Variants in VAV1 observed in about 807,000 individuals in gnomAD.
VAV1 encodes the protein vav guanine nucleotide exchange factor 1.
Under a neutral mutation model 128.1 loss-of-function variants are expected in VAV1, and 33 were observed. That is an observed-to-expected ratio of 0.26 (90% CI 0.20 to 0.34). VAV1 has a LOEUF of 0.34. Among genes scored for constraint, VAV1 ranks in the 10% least tolerant of loss-of-function variants. The pLI, the probability that VAV1 is intolerant of heterozygous loss-of-function variation, is 1.00. For missense variants in VAV1, 715 were observed against 1,093.7 expected (o/e 0.65, Z 4.88); for synonymous variants, 394 against 409.8 (o/e 0.96, Z 0.47).
chr19:6,785,451 C>G (rs1301043058), intron 1 of VAV1, among the ~76,000 whole-genome samples: 1 of 151,976 alleles, frequency 6.6e-6, no homozygotes, highest in East Asian at 1.9e-4. Flanking sequence ...CCTGCCTCAG[C>G]CTCCCAAGTA....
rs61404391 is a variant in VAV1 at position 6,774,921 on chromosome 19, A to ATTT, written c.204+1924_204+1926dup. Among the ~76,000 whole-genome samples the ATTT allele has an allele frequency of 7.0e-3, 961 of 137,356 alleles. 11 individuals carry two copies. Among genetic ancestry groups the ATTT allele is most frequent in the African/African-American group, 7.9e-3 (290 of 36,846 alleles). The allele number at this position is 137,356 out of a possible 152,430, so 90.1% of individuals were successfully genotyped here. ...AGGCACACATCACCATGCCTGCCTA[A>ATTT]TTTTTTTTTTTTTTTTGTATTTTTA... On this transcript the variant is annotated intron_variant, in intron 1 of 26. Coordinates refer to ENST00000602142, the MANE Select transcript of VAV1 (RefSeq NM_005428.4).
intron 21 of VAV1, among the ~76,000 whole-genome samples, chr19:6,840,717 A>G (rs1350403846): frequency 1.5e-5 from 2 of 136,878 alleles, no homozygotes; most frequent in South Asian, 2.4e-4. Flanking sequence ...TGATCCTCCC[A>G]CTTCAGCCTC....
rs1971749262 is a variant in VAV1, at chr19:6,820,135, A to AGGCTG, written c.205-567_205-566insGGCTG. Among the ~76,000 whole-genome samples, 1 of 152,232 alleles carries AGGCTG rather than the reference A, an allele frequency of 6.6e-6. No individual in the cohort carries two copies. The highest frequency in any genetic ancestry group is 2.4e-5 in the African/African-American group (1 of 41,456). Reference sequence around the variant, plus strand: ...GGAATTCAAGACCAGCCTGGGCAACATAGCGAGACCTCGTCTCTACAAAAA... The same window carrying AGGCTG: ...GGAATTCAAGACCAGCCTGGGCAACAGGCTGTAGCGAGACCTCGTCTCTACAAAAA... On this transcript the variant is annotated intron_variant, in intron 1 of 26. Coordinates refer to ENST00000602142, the MANE Select transcript of VAV1 (RefSeq NM_005428.4). This position sits in a 1 kb window ranked among gnomAD's most constrained non-coding sequence, Gnocchi z 4.4.
intron 24 of VAV1, among the ~76,000 whole-genome samples, chr19:6,851,657 C>T (rs935131922): frequency 1.3e-5 from 2 of 152,174 alleles, no homozygotes; most frequent in African/African-American, 4.8e-5. Context: ...AACTCAAATG[C>T]CTTTTGAGGG....
intron 26 of VAV1, among the ~76,000 whole-genome samples, chr19:6,855,022 C>G (rs1972758480): frequency 6.6e-6 from 1 of 152,146 alleles, no homozygotes; most frequent in South Asian, 2.1e-4. Flanking sequence ...AATTCCGATT[C>G]CAAGGAGTGG....
chr19:6,803,528 A>G (rs1310198319), intron 1 of VAV1, among the ~76,000 whole-genome samples: 1 of 152,140 alleles, frequency 6.6e-6, no homozygotes, highest in Non-Finnish European at 1.5e-5. Flanking sequence ...ACTTCCTCGT[A>G]TGGATAAATA....
At chr19:6,818,690 G>A (rs10415535) in intron 1 of VAV1, among the ~76,000 whole-genome samples, 32,653 of 152,090 alleles carry the variant, frequency 0.21, 3,841 homozygotes, top group African/African-American at 0.31. Flanking sequence ...CTAATGCACT[G>A]TGACTGATGT....
intron 22 of VAV1, 47 bp downstream of exon 22, chr19:6,843,213 G>A (rs2144813146): frequency 6.2e-7 from 1 of 1,611,182 alleles, no homozygotes; most frequent in African/African-American, 1.3e-5. Flanking sequence ...TTTCTGGGTT[G>A]GGGTTCCAGG....
At position 6,836,482 on chromosome 19, in the gene VAV1, C is replaced by T; in HGVS notation, c.1828C>T (p.Pro610Ser). 1 of 1,614,102 alleles carries T rather than the reference C, an allele frequency of 6.2e-7. No homozygotes were observed. Among genetic ancestry groups the T allele is most frequent in the Non-Finnish European group, 8.5e-7 (1 of 1,180,026 alleles). Residue 610 changes from proline (P) to serine (S), a missense_variant, in exon 20 of 27, where the codon CCT becomes TCT. By Grantham distance (74) the Pro-to-Ser change is moderately conservative (BLOSUM62 -1). Transcript: ENST00000602142. ...GGAATACTACGGGCTTCCTCCACCCCCTGGAGCCATTGGACCCTTTCTACG... is the reference window on the plus strand; with the variant it reads ...GGAATACTACGGGCTTCCTCCACCCTCTGGAGCCATTGGACCCTTTCTACG... ...FQEYYGLPPP[P>S]GAIGPFLRLN...
chr19:6,789,624 GTC>G (rs1970974232), intron 1 of VAV1, among the ~76,000 whole-genome samples: 1 of 145,408 alleles, frequency 6.9e-6, no homozygotes. Context: ...TTCTGATGGA[GTC>G]TCTCTCTGTC....
At chr19:6,810,551 A>G (rs1227443267) in intron 1 of VAV1, among the ~76,000 whole-genome samples, 1 of 151,736 alleles carries the variant, frequency 6.6e-6, no homozygotes, top group Non-Finnish European at 1.5e-5. Flanking sequence ...TAAAAATACA[A>G]AAAATTAGCC....
chr19:6,846,162 T>C (rs1016644960), intron 22 of VAV1, among the ~76,000 whole-genome samples: 1 of 150,462 alleles, frequency 6.6e-6, no homozygotes, highest in African/African-American at 2.4e-5. Context: ...TTATATAAAA[T>C]TATATATTAT....
At position 6,832,054 on chromosome 19, in the gene VAV1, G is replaced by A. The variant is rs370181480; in HGVS notation, c.1399-37G>A. The A allele has an allele frequency of 1.9e-6, 3 of 1,600,338 alleles. No individual in the cohort carries two copies. The African/African-American group carries it at 4.0e-5, about 21-fold the overall frequency. The stretch of plus-strand genomic sequence containing the variant: ...GGGTGTGTGCTCCCACCCTCTGCGG[G>A]GGCAGTGCCTTCAGTCTGAGCTCTG... On this transcript the variant is annotated intron_variant, in intron 14 of 26. Coordinates refer to ENST00000602142, the MANE Select transcript of VAV1 (RefSeq NM_005428.4).
intron 24 of VAV1, among the ~76,000 whole-genome samples, chr19:6,852,546 C>T (rs1348033685): frequency 6.6e-6 from 1 of 152,000 alleles, no homozygotes; most frequent in Non-Finnish European, 1.5e-5. Context: ...ACGGTGAAAC[C>T]CCGTCTCTAC....
chr19:6,821,534 C>T (rs7258040), intron 2 of VAV1, 88 bp from the exon 3 acceptor site: 189,609 of 1,493,798 alleles, frequency 0.13, 13,120 homozygotes, highest in African/African-American at 0.21. Flanking sequence ...TGGGATCTAG[C>T]GCCTCAGACA....
At chr19:6,821,494 G>C (rs1337728228) in intron 2 of VAV1, 128 bp from the exon 3 acceptor site, 10 of 1,089,602 alleles carry the variant, frequency 9.2e-6, no homozygotes, top group Non-Finnish European at 1.4e-5. Flanking sequence ...AGGAGGTAGA[G>C]AAAATCCTGA....
intron 1 of VAV1, among the ~76,000 whole-genome samples, chr19:6,775,917 C>G (rs1970609969): frequency 6.6e-6 from 1 of 151,768 alleles, no homozygotes; most frequent in African/African-American, 2.4e-5. Flanking sequence ...TTCCCAGTTT[C>G]TGTCATTTCT....
chr19:6,845,006 T>C (rs1313331401), intron 22 of VAV1, among the ~76,000 whole-genome samples: 1 of 152,088 alleles, frequency 6.6e-6, no homozygotes, highest in Non-Finnish European at 1.5e-5. Context: ...TTGATGTTTG[T>C]TCATCATGGT....
chr19:6,810,641 GT>G (rs1731094319), intron 1 of VAV1, among the ~76,000 whole-genome samples: 1 of 152,050 alleles, frequency 6.6e-6, no homozygotes, highest in African/African-American at 2.4e-5. Context: ...GGAGGCGGAG[GT>G]TGCAGTGAGC....
Sources: gnomAD v4.1 joint callset for allele counts (sites outside exome capture counted in the v4.1 genomes callset) on GRCh38, gnomAD v4.1.1 for gene constraint, Gnocchi (gnomAD v3.1) non-coding constraint, MANE v1.5 for transcripts, NCBI Gene and HGNC (gene_info 2026-07-23, HGNC 2026-07-21) for gene names.